CLGN: variants seen among roughly 807,000 people sequenced by gnomAD.
CLGN encodes testis tissue sperm-binding protein Li 79P.
CLGN carries 62 observed loss-of-function variants against 79.1 expected under a neutral mutation model. The ratio of observed to expected loss-of-function variants is 0.78; its 90% CI spans 0.64 to 0.97. CLGN has a LOEUF of 0.97. CLGN is among the 50% of genes least tolerant of loss of function. The pLI, the probability that CLGN is intolerant of heterozygous loss-of-function variation, is 0.00. For synonymous variants in CLGN, 225 were observed against 224.7 expected, an observed-to-expected ratio of 1.00 and a Z score of -0.01; for missense variants, 647 against 715.5, an observed-to-expected ratio of 0.90 and a Z score of 1.09.
At chr4:140,396,231 T>C (rs1390820002) in intron 8 of CLGN, 26 bp from the exon 9 acceptor site, 13 of 1,522,214 alleles carry the variant, frequency 8.5e-6, no homozygotes, top group Middle Eastern at 1.7e-4. Flanking sequence ...TTTATATTAC[T>C]AATTATTCAG....
chr4:140,393,186 T>C (rs1317682793), intron 11 of CLGN, among the ~76,000 whole-genome samples: 3 of 152,044 alleles, frequency 2.0e-5, no homozygotes, highest in African/African-American at 7.2e-5. Context: ...CTTATTAAAA[T>C]AAAATTTAAA....
At chr4:140,421,457 T>G (rs1729467961) in intron 1 of CLGN, among the ~76,000 whole-genome samples, 1 of 152,170 alleles carries the variant, frequency 6.6e-6, no homozygotes, top group African/African-American at 2.4e-5. Flanking sequence ...TGCCAACATT[T>G]GTTCAAAATT....
In CLGN at chr4:140,395,947, A is replaced by G; in HGVS notation, c.1021T>C (p.Trp341Arg). 1.2e-6 allele frequency: 2 copies of G among 1,600,076 alleles called. No individual in the cohort carries two copies. The highest frequency in any genetic ancestry group is 1.1e-5 in the South Asian group (1 of 87,562). Reference sequence around the variant, plus strand: ...GGATTAAGAATCTGAGGTGCCTCCCATTCTCCATCCGTGTCTTCATTCCTT... The same window carrying G: ...GGATTAAGAATCTGAGGTGCCTCCCGTTCTCCATCCGTGTCTTCATTCCTT... ...DDWNEDTDGEWEAPQILNPAC... is the reference protein window; with the variant it reads ...DDWNEDTDGEREAPQILNPAC... The change falls in exon 10 of 15, where the codon TGG (tryptophan) becomes CGG (arginine). Residue 341 changes from tryptophan (W) to arginine (R), a missense_variant. Coordinates refer to ENST00000325617, the MANE Select transcript of CLGN (RefSeq NM_004362.3).
At chr4:140,423,078 G>A (rs61562523) in intron 1 of CLGN, among the ~76,000 whole-genome samples, 19,515 of 151,684 alleles carry the variant, frequency 0.13, 1,400 homozygotes, top group East Asian at 0.23. Context: ...TCTCTGGCTC[G>A]GGAGAAGTGG....
At chr4:140,401,702 G>C (rs1222057353) in intron 6 of CLGN, among the ~76,000 whole-genome samples, 1 of 152,038 alleles carries the variant, frequency 6.6e-6, no homozygotes, top group Non-Finnish European at 1.5e-5. Flanking sequence ...ATAACTCTAA[G>C]CTATATTTCA....
rs1167358707 is a variant in CLGN, at chr4:140,388,989, A to G, written c.*235T>C. The G allele has an allele frequency of 4.2e-6, 2 of 475,234 alleles. No individual in the cohort carries two copies. The highest frequency in any genetic ancestry group is 7.5e-6 in the Non-Finnish European group (2 of 265,968). 29.4% of individuals were successfully genotyped at this position (475,234 alleles called of 1,614,324 possible). ...AAACTGTGTAACTTCTAATGGTATTAATCTCTTAGATCCGATATGTAATGT... is the reference window on the plus strand; with the variant it reads ...AAACTGTGTAACTTCTAATGGTATTGATCTCTTAGATCCGATATGTAATGT... On this transcript the variant is annotated 3_prime_UTR_variant, in exon 15 of 15. Transcript: ENST00000325617.
At position 140,416,785 on chromosome 4, in the gene CLGN, C is replaced by G. The variant is rs374636708; in HGVS notation, c.-9-3698G>C. ...CTACGAGAGGTACAAGGAGGAACTG[C>G]TACCATTCCTTCTGAAACTATTCCA... On this transcript the variant is annotated intron_variant, in intron 1 of 14. Coordinates refer to ENST00000325617, the MANE Select transcript of CLGN (RefSeq NM_004362.3). 3.6e-3 allele frequency among the ~76,000 whole-genome samples: 545 copies of G among 152,082 alleles called. 4 individuals are homozygous for G. Among genetic ancestry groups the G allele is most frequent in the South Asian group, 0.012 (57 of 4,812 alleles).
At position 140,411,889 on chromosome 4, in the gene CLGN, C is replaced by T. The variant is rs141595854; in HGVS notation, c.144+1046G>A. 6.2e-4 allele frequency among the ~76,000 whole-genome samples: 94 copies of T among 152,172 alleles called. 1 individual carries two copies. In the East Asian group the frequency reaches 0.017, roughly 27 times the overall value. ...TATTTTGCCCTTTATTTATACTTCA[C>T]CCTATGTAGATTACTCATGCTATAA... On this transcript the variant is annotated intron_variant, in intron 2 of 14. Transcript: ENST00000325617.
In CLGN at chr4:140,389,148, T is replaced by G; in HGVS notation, c.*76A>C. On this transcript the variant is annotated 3_prime_UTR_variant, in exon 15 of 15. Transcript: ENST00000325617. ...TTAGAAACAGGATGTGCAGACTGAT[T>G]AAAGTTCAGGTCTGGCATGCTGATT... 1 of 1,098,444 alleles carries G rather than the reference T, an allele frequency of 9.1e-7. No individual in the cohort carries two copies. The highest frequency in any genetic ancestry group is 1.4e-6 in the Non-Finnish European group (1 of 715,158). 68.0% of individuals were successfully genotyped at this position (1,098,444 alleles called of 1,614,324 possible). A position where few individuals can be genotyped will look rare whatever the true frequency, so the allele number is the denominator to read the frequency against.
intron 8 of CLGN, 133 bp from the exon 9 acceptor site, chr4:140,396,338 A>G (rs1300093517): frequency 1.4e-5 from 11 of 780,024 alleles, no homozygotes; most frequent in Non-Finnish European, 1.8e-5. Flanking sequence ...TCTACTACCC[A>G]CCTAAATCTT....
intron 4 of CLGN, among the ~76,000 whole-genome samples, chr4:140,408,862 T>C (rs1729158411): frequency 1.8e-5 from 2 of 113,332 alleles, no homozygotes; most frequent in Admixed American, 1.8e-4. Context: ...TTGATAAGCA[T>C]ATATATATAT....
At chr4:140,402,345 A>G (rs1729015975) in intron 5 of CLGN, among the ~76,000 whole-genome samples, 1 of 152,020 alleles carries the variant, frequency 6.6e-6, no homozygotes, top group Non-Finnish European at 1.5e-5. Context: ...CAAAACTGAT[A>G]AATTAAGCAT....
chr4:140,396,905 A>G (rs202232333), intron 8 of CLGN, among the ~76,000 whole-genome samples: 909 of 39,480 alleles, frequency 0.023, 24 homozygotes, highest in Middle Eastern at 0.083. Context: ...ATATATATAT[A>G]TGTATATATA....
chr4:140,420,691 G>C (rs924873159), intron 1 of CLGN, among the ~76,000 whole-genome samples: 1 of 152,070 alleles, frequency 6.6e-6, no homozygotes, highest in Non-Finnish European at 1.5e-5. Flanking sequence ...TCTCACAATG[G>C]TGCCAACATG....
intron 2 of CLGN, among the ~76,000 whole-genome samples, chr4:140,411,453 GAATA>G (rs1235925196): frequency 6.6e-6 from 1 of 152,012 alleles, no homozygotes; most frequent in Non-Finnish European, 1.5e-5. Context: ...AACTGAGGAT[GAATA>G]AATAAAAATT....
chr4:140,389,002 C>A lies in CLGN; in HGVS notation c.*222G>T. 1 of 503,802 alleles carries A rather than the reference C, an allele frequency of 2.0e-6. No homozygotes were observed. Among genetic ancestry groups the A allele is most frequent in the South Asian group, 3.0e-5 (1 of 33,846 alleles). The allele number at this position is 503,802 out of a possible 1,614,324, so 31.2% of individuals were successfully genotyped here. A position where few individuals can be genotyped will look rare whatever the true frequency, so the allele number is the denominator to read the frequency against. On this transcript the variant is annotated 3_prime_UTR_variant, in exon 15 of 15. Coordinates refer to ENST00000325617, the MANE Select transcript of CLGN (RefSeq NM_004362.3). ...TCTAATGGTATTAATCTCTTAGATCCGATATGTAATGTGCCACTTTTATTC... is the reference window on the plus strand; with the variant it reads ...TCTAATGGTATTAATCTCTTAGATCAGATATGTAATGTGCCACTTTTATTC...
At position 140,414,110 on chromosome 4, in the gene CLGN, G is replaced by C. The variant is rs1729273902; in HGVS notation, c.-9-1023C>G. On this transcript the variant is annotated intron_variant, in intron 1 of 14. Transcript: ENST00000325617. Reference sequence around the variant, plus strand: ...GGCACACTGACACCTCACACGGCAGGGTATTCCAACAGACCTGCAGTTGAG... The same window carrying C: ...GGCACACTGACACCTCACACGGCAGCGTATTCCAACAGACCTGCAGTTGAG... Among the ~76,000 whole-genome samples the C allele has an allele frequency of 3.9e-5, 6 of 152,074 alleles. No individual in the cohort carries two copies. In the South Asian group the frequency reaches 1.2e-3, roughly 32 times the overall value.
At chr4:140,390,314 T>C (rs1476281265) in intron 14 of CLGN, among the ~76,000 whole-genome samples, 1 of 151,810 alleles carries the variant, frequency 6.6e-6, no homozygotes, top group Non-Finnish European at 1.5e-5. Context: ...CTTTTAAATA[T>C]TCAAACAATG....
intron 8 of CLGN, among the ~76,000 whole-genome samples, chr4:140,398,505 G>C (rs1728936688): frequency 6.6e-6 from 1 of 151,926 alleles, no homozygotes; most frequent in African/African-American, 2.4e-5. Context: ...CTGACCTCAG[G>C]TGATCTGCCC....
Sources: gnomAD v4.1 joint callset for allele counts (sites outside exome capture counted in the v4.1 genomes callset) on GRCh38, gnomAD v4.1.1 for gene constraint, MANE v1.5 for transcripts, NCBI Gene and HGNC (gene_info 2026-07-23, HGNC 2026-07-21) for gene names.